MACROD2: variants seen among roughly 807,000 people sequenced by gnomAD.
MACROD2 encodes ADP-ribose glycohydrolase MACROD2.
MACROD2 carries 36 observed loss-of-function variants against 70.4 expected under a neutral mutation model. That is an observed-to-expected ratio of 0.51 (90% CI 0.39 to 0.68). The LOEUF is 0.68. Among genes scored for constraint, MACROD2 ranks in the 30% least tolerant of loss-of-function variants. The pLI, the probability that MACROD2 is intolerant of heterozygous loss-of-function variation, is 0.00. For missense variants in MACROD2, 496 were observed against 538.4 expected (o/e 0.92, Z 0.78); for synonymous variants, 172 against 178.8 (o/e 0.96, Z 0.30).
chr20:14,408,664 C>G (rs1043175407), intron 3 of MACROD2, among the ~76,000 whole-genome samples: 7 of 152,146 alleles, frequency 4.6e-5, no homozygotes, highest in African/African-American at 1.7e-4. Context: ...GTAGCGCCCA[C>G]TAAGCATTTG....
chr20:15,328,478 G>T (rs2423926), intron 6 of MACROD2, among the ~76,000 whole-genome samples: 57,322 of 151,986 alleles, frequency 0.38, 10,984 homozygotes, highest in East Asian at 0.61. Flanking sequence ...TAGACATAGA[G>T]AGATTTTTGA....
At chr20:14,720,569 T>TTG (rs1555821251) in intron 5 of MACROD2, among the ~76,000 whole-genome samples, 4,933 of 83,670 alleles carry the variant, frequency 0.059, 744 homozygotes, top group Non-Finnish European at 0.079. Flanking sequence ...TTTTTTTTTT[T>TTG]TGTGAGGCAG....
At chr20:14,017,459 G>A (rs1030536875) in intron 2 of MACROD2, among the ~76,000 whole-genome samples, 4 of 152,064 alleles carry the variant, frequency 2.6e-5, no homozygotes, top group African/African-American at 7.2e-5. Flanking sequence ...TGTGTTACCT[G>A]TGGATTTTTC....
chr20:15,688,338 A>G (rs894549263), intron 8 of MACROD2, among the ~76,000 whole-genome samples: 1 of 152,206 alleles, frequency 6.6e-6, no homozygotes, highest in Non-Finnish European at 1.5e-5. Context: ...CAGGTCAGCC[A>G]GTTCTCCCTG....
intron 8 of MACROD2, among the ~76,000 whole-genome samples, chr20:15,632,554 A>G (rs1372920069): frequency 6.6e-6 from 1 of 152,212 alleles, no homozygotes; most frequent in East Asian, 1.9e-4. Context: ...GAAATACCTT[A>G]CAGTGTAATT....
intron 2 of MACROD2, among the ~76,000 whole-genome samples, chr20:14,056,722 C>G (rs1364136563): frequency 4.6e-5 from 7 of 151,794 alleles, no homozygotes; most frequent in Non-Finnish European, 1.0e-4. Context: ...GAATTAAAAT[C>G]TTTTTTGGTG....
intron 6 of MACROD2, among the ~76,000 whole-genome samples, chr20:15,340,122 CTTTCTTTCTTTTTT>C (rs2078092425): frequency 1.2e-5 from 1 of 81,880 alleles, no homozygotes; most frequent in African/African-American, 5.1e-5. Flanking sequence ...TTCTTTCTTT[CTTTCTTTCTTTTTT>C]TTTTTTTTTT....
intron 2 of MACROD2, among the ~76,000 whole-genome samples, chr20:14,079,815 G>A (rs569502297): frequency 1.7e-4 from 26 of 152,234 alleles, no homozygotes; most frequent in Admixed American, 3.9e-4. Context: ...TGGGAAAACC[G>A]GCCTGGTACC....
chr20:14,682,628 T>C (rs756243158), intron 4 of MACROD2, among the ~76,000 whole-genome samples: 8 of 152,106 alleles, frequency 5.3e-5, no homozygotes, highest in Non-Finnish European at 1.0e-4. Flanking sequence ...ATAGCTGGTC[T>C]ATTCATTTTA....
intron 5 of MACROD2, among the ~76,000 whole-genome samples, chr20:14,901,384 C>G (rs914373046): frequency 6.6e-6 from 1 of 151,972 alleles, no homozygotes; most frequent in Non-Finnish European, 1.5e-5. Flanking sequence ...CACTAAACAT[C>G]CTAGCTGTTT....
At chr20:14,083,121 T>TA (rs377207705) in intron 2 of MACROD2, among the ~76,000 whole-genome samples, 37 of 136,476 alleles carry the variant, frequency 2.7e-4, no homozygotes, top group South Asian at 7.2e-4. Context: ...GTCACCTTTG[T>TA]AAAAAAAAAA....
chr20:15,964,852 C>G (rs1283031368), intron 12 of MACROD2, among the ~76,000 whole-genome samples: 4 of 152,134 alleles, frequency 2.6e-5, no homozygotes. Flanking sequence ...TGAATATTGT[C>G]ATGAGGTTAT....
chr20:15,640,302 TAGAG>T (rs977681254), intron 8 of MACROD2, among the ~76,000 whole-genome samples: 4 of 149,092 alleles, frequency 2.7e-5, no homozygotes, highest in African/African-American at 9.9e-5. Flanking sequence ...GGAGAGAGGA[TAGAG>T]AGAGAAGTGG....
intron 5 of MACROD2, chr20:14,884,408 T>A: frequency 6.6e-6 from 1 of 152,280 alleles, no homozygotes. Context: ...CCAACATGGC[T>A]GGTGCTGGCT....
intron 4 of MACROD2, among the ~76,000 whole-genome samples, chr20:14,591,876 A>T (rs971676722): frequency 6.6e-6 from 1 of 152,228 alleles, no homozygotes; most frequent in African/African-American, 2.4e-5. Flanking sequence ...ATAATTTGAG[A>T]TCATGTAATT....
chr20:15,811,177 C>T (rs1484316356), intron 8 of MACROD2, among the ~76,000 whole-genome samples: 3 of 152,110 alleles, frequency 2.0e-5, no homozygotes, highest in Admixed American at 1.3e-4. Flanking sequence ...AAAATTTTCA[C>T]AACCTACTCA....
intron 8 of MACROD2, among the ~76,000 whole-genome samples, chr20:15,727,862 A>G (rs2146945391): frequency 6.6e-6 from 1 of 152,120 alleles, no homozygotes; most frequent in South Asian, 2.1e-4. Flanking sequence ...AGAGTCATAT[A>G]TTTTGCAAAC....
intron 8 of MACROD2, among the ~76,000 whole-genome samples, chr20:15,751,310 A>G (rs1474382381): frequency 6.6e-6 from 1 of 152,108 alleles, no homozygotes; most frequent in Non-Finnish European, 1.5e-5. Context: ...AAACAATAAC[A>G]TGATTCAGGT....
chr20:14,311,464 C>T (rs1488158710), intron 3 of MACROD2, among the ~76,000 whole-genome samples: 3 of 152,102 alleles, frequency 2.0e-5, no homozygotes, highest in Non-Finnish European at 2.9e-5. Context: ...AATGGCCTAG[C>T]AATGCATTTT....
Sources: gnomAD v4.1 joint callset for allele counts (sites outside exome capture counted in the v4.1 genomes callset) on GRCh38, gnomAD v4.1.1 for gene constraint, MANE v1.5 for transcripts, NCBI Gene and HGNC (gene_info 2026-07-23, HGNC 2026-07-21) for gene names.